Variants in CACNB2 observed in about 807,000 individuals in gnomAD.
The protein encoded by CACNB2 is calcium voltage-gated channel auxiliary subunit beta 2.
In CACNB2, 42 loss-of-function variants were observed where a neutral mutation model predicts 73.3. The observed-to-expected ratio is 0.57, with a 90% CI of 0.45 to 0.74. The LOEUF (loss-of-function observed/expected upper bound fraction) is 0.74. Ranked by LOEUF, CACNB2 falls within the 30% of genes least tolerant of loss-of-function variation. The probability of loss-of-function intolerance (pLI) is 0.00; values close to 1 mark genes in which losing one functional copy is unlikely to be tolerated. For missense variants in CACNB2, 940 were observed against 853.0 expected (o/e 1.10, Z -1.27); for synonymous variants, 348 against 310.3 (o/e 1.12, Z -1.28).
intron 2 of CACNB2, among the ~76,000 whole-genome samples, chr10:18,173,589 G>A (rs965483353): frequency 2.6e-5 from 4 of 152,116 alleles, no homozygotes; most frequent in African/African-American, 7.2e-5. Context: ...TTGTTTGAGG[G>A]TGGGTTTAGG....
At chr10:18,152,806 T>C (rs1462529923) in intron 2 of CACNB2, among the ~76,000 whole-genome samples, 1 of 151,120 alleles carries the variant, frequency 6.6e-6, no homozygotes, top group Non-Finnish European at 1.5e-5. Flanking sequence ...AAGCCGCTTG[T>C]TGAAATTGCA....
chr10:18,349,502 T>G (rs1414281939), intron 2 of CACNB2, among the ~76,000 whole-genome samples: 1 of 152,178 alleles, frequency 6.6e-6, no homozygotes, highest in Non-Finnish European at 1.5e-5. Flanking sequence ...GGGACCATTT[T>G]CCATTCCAGC....
At chr10:18,235,859 G>T (rs1246669726) in intron 2 of CACNB2, among the ~76,000 whole-genome samples, 1 of 152,152 alleles carries the variant, frequency 6.6e-6, no homozygotes, top group Non-Finnish European at 1.5e-5. Context: ...GGAGGAGGGG[G>T]CTGGTGGGAT....
rs566762727 is a variant in CACNB2 at position 18,205,285 on chromosome 10, G to A, written c.213+54310G>A. Among the ~76,000 whole-genome samples, 120 of 152,226 alleles carry A rather than the reference G, an allele frequency of 7.9e-4. 2 individuals carry two copies. The highest frequency in any genetic ancestry group is 2.4e-3 in the African/African-American group (100 of 41,540). ...TTTGCTAGCCTCAGTTTTCTCATCC[G>A]TATAATGGGGACACTAATACCTAAC... is the stretch of plus-strand genomic sequence containing the variant. On this transcript the variant is annotated intron_variant, in intron 2 of 13. Coordinates refer to ENST00000324631, the MANE Select transcript of CACNB2 (RefSeq NM_201596.3).
intron 2 of CACNB2, among the ~76,000 whole-genome samples, chr10:18,221,655 G>A (rs1489848627): frequency 1.3e-5 from 2 of 152,142 alleles, no homozygotes; most frequent in Non-Finnish European, 2.9e-5. Context: ...CTCCAGCCTG[G>A]GCAACAGAGC....
intron 2 of CACNB2, among the ~76,000 whole-genome samples, chr10:18,258,669 T>G (rs1295780782): frequency 6.6e-6 from 1 of 152,086 alleles, no homozygotes; most frequent in Non-Finnish European, 1.5e-5. Flanking sequence ...GAGGTTGCAG[T>G]GAGCTGAGAT....
intron 2 of CACNB2, among the ~76,000 whole-genome samples, chr10:18,210,130 A>T (rs2035258226): frequency 6.6e-6 from 1 of 152,188 alleles, no homozygotes; most frequent in African/African-American, 2.4e-5. Context: ...CCACATTTCC[A>T]GTGGTTCCAC....
rs764514498 is a variant in CACNB2, at chr10:18,534,104, T to C, written c.1083T>C (p.Ile361=). 6.2e-7 allele frequency: 1 copy of C among 1,614,056 alleles called. No individual in the cohort carries two copies. The highest frequency in any genetic ancestry group is 1.1e-5 in the South Asian group (1 of 91,080). ...LAEVQSEIER[I]FELARTLQLV... The stretch of plus-strand genomic sequence containing the variant: ...AAGTTCAGAGTGAAATCGAAAGGAT[T>C]TTTGAACTTGCAAGAACATTGCAGT... Residue 361 remains isoleucine (I), a synonymous_variant, in exon 11 of 14, where the codon ATT becomes ATC. Coordinates refer to ENST00000324631, the MANE Select transcript of CACNB2 (RefSeq NM_201596.3).
intron 3 of CACNB2, 95 bp from the exon 4 acceptor site, chr10:18,498,260 C>G: frequency 7.0e-7 from 1 of 1,431,720 alleles, no homozygotes; most frequent in Non-Finnish European, 9.7e-7. Context: ...ACAATGATTA[C>G]AGTAGTTATT....
In CACNB2 at chr10:18,266,403, A is replaced by G. The variant is rs375375098; in HGVS notation, c.213+115428A>G. Among the ~76,000 whole-genome samples, 15 of 152,358 alleles carry G rather than the reference A, an allele frequency of 9.8e-5. No individual in the cohort carries two copies. In the East Asian group the frequency reaches 2.9e-3, roughly 29 times the overall value. On this transcript the variant is annotated intron_variant, in intron 2 of 13. Coordinates refer to ENST00000324631, the MANE Select transcript of CACNB2 (RefSeq NM_201596.3). ...AATGGGATTATAATTAAATTTAATT[A>G]ACATGAAAATGTTGTAGTGCTTTTG... is the stretch of plus-strand genomic sequence containing the variant.
chr10:18,310,965 T>C (rs1277081875), intron 2 of CACNB2, among the ~76,000 whole-genome samples: 1 of 152,168 alleles, frequency 6.6e-6, no homozygotes, highest in Admixed American at 6.5e-5. Context: ...ATGCTGACCA[T>C]TGAATTTTTT....
intron 1 of CACNB2, 75 bp from the exon 2 acceptor site, chr10:18,150,808 A>C: frequency 2.1e-6 from 2 of 934,554 alleles, no homozygotes; most frequent in Non-Finnish European, 1.6e-6. Context: ...ATTTTCTGCA[A>C]CTAGGCCTAC....
chr10:18,510,051 C>A (rs916345896), intron 6 of CACNB2, among the ~76,000 whole-genome samples: 2 of 152,122 alleles, frequency 1.3e-5, no homozygotes, highest in South Asian at 2.1e-4. Context: ...TTCTTAACTG[C>A]CTTGGTAAGT....
chr10:18,180,738 C>T (rs958850273), intron 2 of CACNB2, among the ~76,000 whole-genome samples: 42 of 151,812 alleles, frequency 2.8e-4, no homozygotes, highest in African/African-American at 1.0e-3. Flanking sequence ...AGGCACGGGC[C>T]GGCGGATCAC....
intron 2 of CACNB2, among the ~76,000 whole-genome samples, chr10:18,359,523 C>T (rs913468132): frequency 3.9e-5 from 6 of 152,172 alleles, no homozygotes; most frequent in African/African-American, 1.2e-4. Context: ...ATCCACCCAC[C>T]TTGGCCTCCC....
In CACNB2 at chr10:18,229,733, A is replaced by G. The variant is rs185469182; in HGVS notation, c.213+78758A>G. Among the ~76,000 whole-genome samples, 44 of 152,274 alleles carry G rather than the reference A, an allele frequency of 2.9e-4. 1 individual carries two copies. Among genetic ancestry groups the G allele is most frequent in the Admixed American group, 2.7e-3 (41 of 15,282 alleles). On this transcript the variant is annotated intron_variant, in intron 2 of 13. Coordinates refer to ENST00000324631, the MANE Select transcript of CACNB2 (RefSeq NM_201596.3). ...TTTTTAGCTATAGATTCATATATTT[A>G]TAGGTTGGTTTATAGTTATGTTTGT...
Position 18,542,986 on chromosome 10 carries a change from A to G in CACNB2, c.*3262A>G, listed in dbSNP as rs1255444045. ...ACAAAAAGGTGCTGCTAAATGTAGG[A>G]TGTCTTAGTCATGTTGTACTTTGGG... On this transcript the variant is annotated 3_prime_UTR_variant, in exon 14 of 14. Transcript: ENST00000324631. The G allele has an allele frequency of 6.7e-6, 1 of 149,752 alleles. No individual in the cohort carries two copies. Among genetic ancestry groups the G allele is most frequent in the African/African-American group, 2.5e-5 (1 of 40,572 alleles). 9.3% of individuals were successfully genotyped at this position (149,752 alleles called of 1,614,324 possible).
chr10:18,273,948 G>C (rs1475157008), intron 2 of CACNB2, among the ~76,000 whole-genome samples: 1 of 152,038 alleles, frequency 6.6e-6, no homozygotes, highest in East Asian at 1.9e-4. Context: ...ATTTCTTCTT[G>C]TTGTTGTTGG....
rs1010672297 is a variant in CACNB2 at position 18,150,798 on chromosome 10, A to G, written c.121-85A>G. On this transcript the variant is annotated intron_variant, in intron 1 of 13. Transcript: ENST00000324631. ...GTATTACTTGTTTTTGGTCTTTGACATTTTCTGCAACTAGGCCTACATTCC... is the reference window on the plus strand; with the variant it reads ...GTATTACTTGTTTTTGGTCTTTGACGTTTTCTGCAACTAGGCCTACATTCC... The G allele has an allele frequency of 7.0e-6, 6 of 861,672 alleles. No individual in the cohort carries two copies. The African/African-American group carries it at 9.0e-5, about 13-fold the overall frequency. 53.4% of individuals were successfully genotyped at this position (861,672 alleles called of 1,614,324 possible).
Sources: gnomAD v4.1 joint callset for allele counts (sites outside exome capture counted in the v4.1 genomes callset) on GRCh38, gnomAD v4.1.1 for gene constraint, MANE v1.5 for transcripts, NCBI Gene and HGNC (gene_info 2026-07-23, HGNC 2026-07-21) for gene names.